The following ADGRL3 variants were observed in gnomAD, a reference collection of about 807,000 sequenced individuals.
The protein encoded by ADGRL3 is adhesion G protein-coupled receptor L3.
Under a neutral mutation model 153.5 loss-of-function variants are expected in ADGRL3, and 62 were observed. The ratio of observed to expected loss-of-function variants is 0.40; its 90% CI spans 0.33 to 0.50. The LOEUF (loss-of-function observed/expected upper bound fraction) is 0.50. ADGRL3 is among the 20% of genes least tolerant of loss of function. The pLI is 0.47. For synonymous variants in ADGRL3, 710 were observed against 672.5 expected, an observed-to-expected ratio of 1.06 and a Z score of -0.86; for missense variants, 1,641 against 1,859.4, an observed-to-expected ratio of 0.88 and a Z score of 2.16.
chr4:61,723,279 T>C (rs1479463837), intron 6 of ADGRL3, among the ~76,000 whole-genome samples: 1 of 152,292 alleles, frequency 6.6e-6, no homozygotes, highest in East Asian at 1.9e-4. Context: ...TTGTCCTTTA[T>C]AGCATGGTCA....
At chr4:61,542,720 A>G (rs2098696003) in intron 4 of ADGRL3, among the ~76,000 whole-genome samples, 1 of 152,056 alleles carries the variant, frequency 6.6e-6, no homozygotes, top group African/African-American at 2.4e-5. Flanking sequence ...GTGGCATTTT[A>G]TTTCTGCTAG....
chr4:61,598,486 A>G (rs2098998358), intron 5 of ADGRL3, among the ~76,000 whole-genome samples: 1 of 152,194 alleles, frequency 6.6e-6, no homozygotes, highest in African/African-American at 2.4e-5. Flanking sequence ...TACAACATAA[A>G]TCTCATCCCC....
intron 1 of ADGRL3, among the ~76,000 whole-genome samples, chr4:61,364,331 C>T (rs1403330222): frequency 7.8e-6 from 1 of 128,140 alleles, no homozygotes; most frequent in East Asian, 2.2e-4. Context: ...GACTCCGTCT[C>T]AAAAAAAAAA....
intron 13 of ADGRL3, 137 bp downstream of exon 13, chr4:61,912,894 A>T (rs1260582434): frequency 2.6e-6 from 2 of 782,852 alleles, no homozygotes; most frequent in African/African-American, 3.5e-5. Flanking sequence ...AAGGGTGGGA[A>T]CAGAAAGCAT....
At chr4:61,473,341 C>G (rs1156263155) in intron 2 of ADGRL3, among the ~76,000 whole-genome samples, 1 of 151,204 alleles carries the variant, frequency 6.6e-6, no homozygotes, top group African/African-American at 2.4e-5. Flanking sequence ...ACTTTTGTAC[C>G]CTGGGTACTG....
At chr4:61,332,024 A>T (rs1303487553) in intron 1 of ADGRL3, among the ~76,000 whole-genome samples, 1 of 152,078 alleles carries the variant, frequency 6.6e-6, no homozygotes, top group African/African-American at 2.4e-5. Flanking sequence ...TTCCAAAAAA[A>T]TTTTAAATTA....
rs531027036 is a variant in ADGRL3, at chr4:61,248,685, G to A, written c.-240+46920G>A. 5.3e-5 allele frequency among the ~76,000 whole-genome samples: 8 copies of A among 152,174 alleles called. No homozygotes were observed. In the South Asian group the frequency reaches 1.0e-3, roughly 20 times the overall value. On this transcript the variant is annotated intron_variant, in intron 1 of 26. Transcript: ENST00000683033. ...TGAGACACCAAGTTTTCTTTTAAAA[G>A]CACATCTAATCAATTTCAAAGTGAA...
chr4:61,264,999 C>G (rs999642017), intron 1 of ADGRL3, among the ~76,000 whole-genome samples: 2 of 151,654 alleles, frequency 1.3e-5, no homozygotes, highest in South Asian at 4.1e-4. Context: ...TTTGGTCACC[C>G]AAGTAAGAGG....
At chr4:61,846,972 A>ATATATG (rs1483830942) in intron 9 of ADGRL3, among the ~76,000 whole-genome samples, 1,536 of 148,122 alleles carry the variant, frequency 0.01, 30 homozygotes, top group African/African-American at 0.036. Flanking sequence ...GTGTGTGTGT[A>ATATATG]TATATATGTA....
intron 17 of ADGRL3, among the ~76,000 whole-genome samples, chr4:61,951,510 G>A (rs886385935): frequency 6.6e-6 from 1 of 152,178 alleles, no homozygotes; most frequent in African/African-American, 2.4e-5. Context: ...AGTTTATGTT[G>A]CAATGTTAGA....
chr4:61,372,471 C>T (rs1442450062), intron 1 of ADGRL3, among the ~76,000 whole-genome samples: 1 of 152,096 alleles, frequency 6.6e-6, no homozygotes, highest in African/African-American at 2.4e-5. Context: ...AGCTGCAGGT[C>T]TGTTGGAGTA....
chr4:62,058,302 T>C (rs536916957), intron 25 of ADGRL3, among the ~76,000 whole-genome samples: 6 of 152,204 alleles, frequency 3.9e-5, no homozygotes, highest in Non-Finnish European at 7.4e-5. Flanking sequence ...GTTTAGATAG[T>C]AGAGTACCTG....
chr4:61,917,928 A>G (rs1280955404), intron 13 of ADGRL3, among the ~76,000 whole-genome samples: 2 of 152,132 alleles, frequency 1.3e-5, no homozygotes, highest in Non-Finnish European at 2.9e-5. Flanking sequence ...ATTCTGATAG[A>G]TCATTGTAAG....
At chr4:61,287,975 C>A (rs549639289) in intron 1 of ADGRL3, among the ~76,000 whole-genome samples, 1 of 152,050 alleles carries the variant, frequency 6.6e-6, no homozygotes, top group East Asian at 1.9e-4. Flanking sequence ...AACATTCACT[C>A]TCTCCCCCTT....
chr4:61,414,091 C>T (rs1381256270), intron 2 of ADGRL3, among the ~76,000 whole-genome samples: 1 of 152,152 alleles, frequency 6.6e-6, no homozygotes, highest in Admixed American at 6.5e-5. Context: ...TAGAATTTAT[C>T]AACTCTGTAG....
intron 8 of ADGRL3, among the ~76,000 whole-genome samples, chr4:61,796,003 C>T (rs966397162): frequency 6.6e-6 from 1 of 152,078 alleles, no homozygotes; most frequent in Non-Finnish European, 1.5e-5. Context: ...GCTCCATACC[C>T]AGCTAATTTT....
At chr4:61,760,617 T>C (rs575244755) in intron 8 of ADGRL3, among the ~76,000 whole-genome samples, 53 of 152,300 alleles carry the variant, frequency 3.5e-4, no homozygotes, top group African/African-American at 1.2e-3. Flanking sequence ...AGTGAGGCGA[T>C]GCCTCGCCCT....
intron 4 of ADGRL3, among the ~76,000 whole-genome samples, chr4:61,526,813 G>T (rs1041622868): frequency 1.3e-5 from 2 of 151,658 alleles, no homozygotes; most frequent in Admixed American, 6.6e-5. Flanking sequence ...TTTAATTCGA[G>T]GAATGTTGTA....
intron 2 of ADGRL3, chr4:61,385,881 C>T (rs150962418): frequency 6.6e-6 from 1 of 152,154 alleles, no homozygotes; most frequent in African/African-American, 2.4e-5. Context: ...CACAGACTCA[C>T]ATTTTCTGTG....
Sources: allele counts gnomAD v4.1 joint callset (sites outside exome capture counted in the v4.1 genomes callset), GRCh38; gene constraint gnomAD v4.1.1; transcripts MANE v1.5; gene names NCBI Gene and HGNC (gene_info 2026-07-23, HGNC 2026-07-21).